PDZD9: variants seen among roughly 807,000 people sequenced by gnomAD.
PDZD9 encodes the protein PDZ domain-containing protein 9.
In PDZD9, 13 loss-of-function variants were observed where a neutral mutation model predicts 16.3. The observed-to-expected ratio is 0.80, with a 90% CI of 0.52 to 1.27. The LOEUF is 1.27. PDZD9 is among the 50% of genes most tolerant of loss of function. The pLI is 0.00. For missense variants in PDZD9, 288 were observed against 310.9 expected, an observed-to-expected ratio of 0.93 and a Z score of 0.55; for synonymous variants, 120 against 111.0, an observed-to-expected ratio of 1.08 and a Z score of -0.51.
chr16:21,988,934 T>TC, intron 2 of PDZD9, 143 bp from the exon 3 acceptor site: 1 of 666,228 alleles, frequency 1.5e-6, no homozygotes, highest in East Asian at 3.2e-5. Context: ...CAGCCTTTTT[T>TC]TTTTTTTTTT....
At chr16:21,995,216 G>C (rs1334263752) in intron 2 of PDZD9, 2 of 457,920 alleles carry the variant, frequency 4.4e-6, no homozygotes, top group East Asian at 1.4e-4. Flanking sequence ...TCTTCCTCCC[G>C]CTCCAACCAT....
chr16:21,968,985 A>C, the PDZD9 span, among the ~76,000 whole-genome samples: 1 of 152,256 alleles, frequency 6.6e-6, no homozygotes, highest in African/African-American at 2.4e-5. Flanking sequence ...AGTACAGCTT[A>C]CTAGAAAAAC....
intron 2 of PDZD9, among the ~76,000 whole-genome samples, chr16:21,990,280 C>G (rs564951502): frequency 6.6e-6 from 1 of 152,174 alleles, no homozygotes; most frequent in South Asian, 2.1e-4. Flanking sequence ...TTCTGGAGAC[C>G]CTCAATCAGC....
At chr16:21,995,622 G>C (rs1374802711) in intron 2 of PDZD9, among the ~76,000 whole-genome samples, 1 of 151,888 alleles carries the variant, frequency 6.6e-6, no homozygotes, top group Non-Finnish European at 1.5e-5. Flanking sequence ...TTTTGAGACA[G>C]AGTCTCACTC....
At chr16:21,976,152 T>A in the PDZD9 span, 5 of 1,610,196 alleles carry the variant, frequency 3.1e-6, no homozygotes, top group Non-Finnish European at 4.2e-6. Context: ...GACCAACTTT[T>A]CTTATCTGTC....
chr16:21,983,281 T>A, downstream of PDZD9: 1 of 914,174 alleles, frequency 1.1e-6, no homozygotes, highest in Non-Finnish European at 1.7e-6. Flanking sequence ...TCCAGTGAGG[T>A]AAAATAAGGC....
the PDZD9 span, among the ~76,000 whole-genome samples, chr16:21,967,011 C>CT: frequency 2.0e-5 from 3 of 151,814 alleles, no homozygotes; most frequent in African/African-American, 4.8e-5. Context: ...CAAAAGGTCC[C>CT]TTTTTTTTAA....
At chr16:21,965,303 C>A in the PDZD9 span, 2 of 990,640 alleles carry the variant, frequency 2.0e-6, no homozygotes, top group Non-Finnish European at 3.1e-6. Context: ...CATATGAATG[C>A]CAGAAGATGA....
chr16:21,988,608 A>C lies in PDZD9; in HGVS notation c.395T>G (p.Val132Gly), dbSNP rs1898940268. 2.5e-6 allele frequency: 4 copies of C among 1,607,266 alleles called. No individual in the cohort carries two copies. The East Asian group carries it at 8.9e-5, about 36-fold the overall frequency. Residue 132 changes from valine (V) to glycine (G), a missense_variant, in exon 3 of 4, where the codon GTA (valine) becomes GGA (glycine). By Grantham distance (109) the Val-to-Gly change is moderately radical. Coordinates refer to ENST00000424898, the MANE Select transcript of PDZD9 (RefSeq NM_001363519.1). ...YDLIPEAKFP[V>G]TSTPKKIELA... ...CCTAAAATGAACTATTTACCTTGTT[A>C]CTGGGAATTTGGCCTCAGGGATTAA...
chr16:21,967,927 G>A, the PDZD9 span, among the ~76,000 whole-genome samples: 2 of 151,496 alleles, frequency 1.3e-5, no homozygotes, highest in Admixed American at 6.6e-5. Flanking sequence ...TACTACGTAA[G>A]CTACATTATA....
At position 21,988,738 on chromosome 16, in the gene PDZD9, C is replaced by A; in HGVS notation, c.265G>T (p.Glu89Ter). The A allele has an allele frequency of 6.2e-7, 1 of 1,613,574 alleles. No homozygotes were observed. The highest frequency in any genetic ancestry group is 1.1e-5 in the South Asian group (1 of 91,060). The change falls in exon 3 of 4, where the codon GAA becomes TAA. Residue 89 changes from glutamate (E) to a stop codon, truncating the protein, a stop_gained. Coordinates refer to ENST00000424898, the MANE Select transcript of PDZD9 (RefSeq NM_001363519.1). LOFTEE classifies it high-confidence loss of function. ...ATATGTTGCAAAAGCTGTAAAAATT[C>A]TCGAAGAGTATATCCTAACACATTG... is the stretch of plus-strand genomic sequence containing the variant. ...HANVLGYTLREFLQLLQHITI... is the reference protein window; with the variant it reads ...HANVLGYTLR
chr16:21,992,523 A>T (rs1329402292), intron 2 of PDZD9, among the ~76,000 whole-genome samples: 1 of 152,174 alleles, frequency 6.6e-6, no homozygotes, highest in Non-Finnish European at 1.5e-5. Flanking sequence ...CCATCCAATC[A>T]GCTACCAGCA....
chr16:21,995,174 T>C (rs941316617), intron 2 of PDZD9: 8 of 453,120 alleles, frequency 1.8e-5, no homozygotes, highest in Non-Finnish European at 3.1e-5. Context: ...GATCTGGTTG[T>C]TTAAACGTGT....
chr16:21,973,948 C>CT, the PDZD9 span: 8 of 1,611,466 alleles, frequency 5.0e-6, no homozygotes, highest in Non-Finnish European at 6.8e-6. Context: ...GGGATTTATA[C>CT]TATCTCCCAG....
At chr16:21,970,329 A>G in the PDZD9 span, among the ~76,000 whole-genome samples, 1 of 152,220 alleles carries the variant, frequency 6.6e-6, no homozygotes, top group Non-Finnish European at 1.5e-5. Context: ...TTGCCAGGAC[A>G]TATGGTAACT....
the PDZD9 span, among the ~76,000 whole-genome samples, chr16:21,974,975 A>C: frequency 6.6e-6 from 1 of 152,236 alleles, no homozygotes; most frequent in East Asian, 1.9e-4. Context: ...ATAGTGAGGT[A>C]CACAAAAAGT....
chr16:22,001,011 A>T lies in PDZD9; in HGVS notation c.31+6T>A. On this transcript the variant is annotated splice_donor_region_variant and intron_variant, in intron 1 of 3. Coordinates refer to ENST00000424898, the MANE Select transcript of PDZD9 (RefSeq NM_001363519.1). ...CTTCTTCACCCGCTTCCTTCTCCCC[A>T]GTTACCTTTTTTGTTTTTGTGGGAG... The T allele has an allele frequency of 6.5e-7, 1 of 1,533,380 alleles. No homozygotes were observed. The highest frequency in any genetic ancestry group is 1.2e-5 in the South Asian group (1 of 83,370). The allele number at this position is 1,533,380 out of a possible 1,614,324, so 95.0% of individuals were successfully genotyped here. A position where few individuals can be genotyped will look rare whatever the true frequency, so the allele number is the denominator to read the frequency against.
chr16:21,978,327 T>C, the PDZD9 span, among the ~76,000 whole-genome samples: 1 of 152,214 alleles, frequency 6.6e-6, no homozygotes, highest in Non-Finnish European at 1.5e-5. Context: ...TAAATGGAAG[T>C]CTTTCTGTAG....
At chr16:21,964,716 C>T in the PDZD9 span, among the ~76,000 whole-genome samples, 1 of 152,222 alleles carries the variant, frequency 6.6e-6, no homozygotes, top group South Asian at 2.1e-4. Context: ...TGTACCTCTA[C>T]TGCACTTTTG....
Sources: allele counts gnomAD v4.1 joint callset (sites outside exome capture counted in the v4.1 genomes callset), GRCh38; gene constraint gnomAD v4.1.1; transcripts MANE v1.5; gene names NCBI Gene and HGNC (gene_info 2026-07-23, HGNC 2026-07-21).